BCAT1: variants seen among roughly 807,000 people sequenced by gnomAD.
The protein encoded by BCAT1 is branched-chain-amino-acid aminotransferase, cytosolic.
A neutral mutation model predicts 52.4 loss-of-function variants in BCAT1; 48 were observed. That is an observed-to-expected ratio of 0.92 (90% CI 0.73 to 1.16). The LOEUF is 1.16. Among genes scored for constraint, BCAT1 ranks in the 50% most tolerant of loss-of-function variants. The pLI is 0.00. For synonymous variants in BCAT1, 167 were observed against 161.3 expected (o/e 1.04, Z -0.27); for missense variants, 451 against 457.1 (o/e 0.99, Z 0.12).
intron 1 of BCAT1, chr12:24,903,182 T>C: frequency 8.6e-7 from 1 of 1,160,500 alleles, no homozygotes; most frequent in Non-Finnish European, 1.1e-6. Flanking sequence ...GGGAGGAGCC[T>C]CCAACCGTCT....
At chr12:24,882,593 A>T (rs895517819) in intron 3 of BCAT1, among the ~76,000 whole-genome samples, 6 of 144,756 alleles carry the variant, frequency 4.1e-5, no homozygotes, top group African/African-American at 1.0e-4. Context: ...ATTTTTTATT[A>T]TTTATTTTTT....
intron 1 of BCAT1, among the ~76,000 whole-genome samples, chr12:24,928,583 C>T (rs1267225036): frequency 1.4e-5 from 2 of 142,386 alleles, no homozygotes; most frequent in Admixed American, 1.5e-4. Context: ...GAAGCTGCAG[C>T]GAGCTGTGAT....
chr12:24,927,619 T>C (rs1943611158), intron 1 of BCAT1, among the ~76,000 whole-genome samples: 1 of 152,204 alleles, frequency 6.6e-6, no homozygotes, highest in African/African-American at 2.4e-5. Context: ...AAGCTGACAG[T>C]AGAGAAGGAA....
chr12:24,887,136 T>G (rs1196730661), intron 3 of BCAT1, among the ~76,000 whole-genome samples: 2 of 132,582 alleles, frequency 1.5e-5, no homozygotes, highest in African/African-American at 2.8e-5. Context: ...CTCGGGTTTA[T>G]CATCCCAAGA....
intron 1 of BCAT1, among the ~76,000 whole-genome samples, chr12:24,929,515 T>G (rs1591884534): frequency 6.6e-6 from 1 of 152,174 alleles, no homozygotes; most frequent in Non-Finnish European, 1.5e-5. Context: ...TAAACAAAAT[T>G]TATATCTATA....
At chr12:24,882,179 C>G (rs1591835792) in intron 3 of BCAT1, among the ~76,000 whole-genome samples, 1 of 152,144 alleles carries the variant, frequency 6.6e-6, no homozygotes, top group East Asian at 1.9e-4. Flanking sequence ...TTACACAGAC[C>G]AGCTGTAGAA....
intron 1 of BCAT1, among the ~76,000 whole-genome samples, chr12:24,917,081 C>A (rs1015932229): frequency 2.0e-5 from 3 of 152,038 alleles, no homozygotes; most frequent in South Asian, 2.1e-4. Context: ...AACAAAAACC[C>A]TTTAAAATAG....
chr12:24,930,245 G>A (rs934802122), intron 1 of BCAT1, among the ~76,000 whole-genome samples: 3 of 152,262 alleles, frequency 2.0e-5, no homozygotes, highest in South Asian at 4.1e-4. Flanking sequence ...TCACCTCTAA[G>A]GATTCTCCTT....
intron 8 of BCAT1, among the ~76,000 whole-genome samples, chr12:24,833,324 G>C (rs1940767856): frequency 6.6e-6 from 1 of 152,022 alleles, no homozygotes; most frequent in South Asian, 2.1e-4. Context: ...TTTGAGACCA[G>C]CCTGGCCAAC....
intron 1 of BCAT1, chr12:24,902,645 G>A (rs545766623): frequency 2.6e-4 from 122 of 473,288 alleles, no homozygotes; most frequent in African/African-American, 2.1e-3. Flanking sequence ...CTCCCTCAGA[G>A]CGAGTCCATA....
rs1026968304 is a variant in BCAT1 at position 24,814,153 on chromosome 12, C to A, written c.*3855G>T. Reference sequence around the variant, plus strand: ...CTACTAAAATTACCTGCTAGCATTACTACGTATAACTGAAGTTTTTGCATA... The same window carrying A: ...CTACTAAAATTACCTGCTAGCATTAATACGTATAACTGAAGTTTTTGCATA... On this transcript the variant is annotated 3_prime_UTR_variant, in exon 11 of 11. Transcript: ENST00000261192. The A allele has an allele frequency of 2.0e-5, 3 of 152,048 alleles. No homozygotes were observed. The highest frequency in any genetic ancestry group is 7.2e-5 in the African/African-American group (3 of 41,404). 9.4% of individuals were successfully genotyped at this position (152,048 alleles called of 1,614,324 possible).
chr12:24,921,346 T>C lies in BCAT1; in HGVS notation c.7-19461A>G, dbSNP rs546305943. Among the ~76,000 whole-genome samples the C allele has an allele frequency of 3.7e-4, 57 of 152,336 alleles. 1 individual carries two copies. Among genetic ancestry groups the C allele is most frequent in the Admixed American group, 1.6e-3 (25 of 15,302 alleles). ...ATATCACAGGGACACTGGCTTTTTT[T>C]AGGCCTTTCCTCAGATCGCTAGAGC... On this transcript the variant is annotated intron_variant, in intron 1 of 10. Coordinates refer to ENST00000261192, the MANE Select transcript of BCAT1 (RefSeq NM_005504.7).
chr12:24,840,034 A>T (rs1489774409), intron 7 of BCAT1, among the ~76,000 whole-genome samples: 3 of 152,208 alleles, frequency 2.0e-5, no homozygotes, highest in African/African-American at 7.2e-5. Context: ...ATCCCAGGCA[A>T]CCATAATCTG....
chr12:24,899,444 AG>A (rs1004818201), intron 2 of BCAT1, among the ~76,000 whole-genome samples: 10 of 152,132 alleles, frequency 6.6e-5, no homozygotes, highest in African/African-American at 2.4e-4. Flanking sequence ...AATGTAAATT[AG>A]TTTATCTACT....
chr12:24,859,151 T>A (rs1020868145), intron 5 of BCAT1, among the ~76,000 whole-genome samples: 1 of 152,224 alleles, frequency 6.6e-6, no homozygotes, highest in African/African-American at 2.4e-5. Context: ...TTCTTAAGAA[T>A]TGGATTTGAC....
Position 24,849,920 on chromosome 12 carries a change from T to A in BCAT1, c.540A>T (p.Lys180Asn), listed in dbSNP as rs1287030069. 2.5e-6 allele frequency: 4 copies of A among 1,611,044 alleles called. No homozygotes were observed. The East Asian group carries it at 8.9e-5, about 36-fold the overall frequency. The stretch of plus-strand genomic sequence containing the variant: ...GGCTCAAGAGTACAAAGAGCAGGGC[T>A]TTGGTAGGCTTCTTGACTCCAAGAG... ...EPSLGVKKPT[K>N]ALLFVLLSPV... Residue 180 changes from lysine (K) to asparagine (N), a missense_variant, in exon 6 of 11, where the codon AAA (lysine) becomes AAT (asparagine). Physicochemically the swap from Lys to Asn is moderately conservative, Grantham distance 94. Coordinates refer to ENST00000261192, the MANE Select transcript of BCAT1 (RefSeq NM_005504.7).
chr12:24,903,081 C>T (rs1027852276), intron 1 of BCAT1: 31 of 1,383,890 alleles, frequency 2.2e-5, no homozygotes, highest in Non-Finnish European at 2.8e-5. Flanking sequence ...CAAGCCCCGG[C>T]GCACGGCCCA....
intron 5 of BCAT1, among the ~76,000 whole-genome samples, chr12:24,868,195 T>A (rs965252752): frequency 6.6e-6 from 1 of 152,192 alleles, no homozygotes; most frequent in African/African-American, 2.4e-5. Context: ...CTCAGGATGA[T>A]CAGGGAAGTA....
intron 7 of BCAT1, among the ~76,000 whole-genome samples, chr12:24,838,188 C>T (rs1184098969): frequency 6.6e-6 from 1 of 152,160 alleles, no homozygotes; most frequent in African/African-American, 2.4e-5. Context: ...TCTGGAATAC[C>T]AAACTCTATC....
Sources: gnomAD v4.1 joint callset for allele counts (sites outside exome capture counted in the v4.1 genomes callset) on GRCh38, gnomAD v4.1.1 for gene constraint, MANE v1.5 for transcripts, NCBI Gene and HGNC (gene_info 2026-07-23, HGNC 2026-07-21) for gene names.